The following SPATA32 variants were observed in gnomAD, a reference collection of about 807,000 sequenced individuals.
SPATA32 encodes the protein spermatogenesis-associated protein 32.
SPATA32 carries 28 observed loss-of-function variants against 35.4 expected under a neutral mutation model. The ratio of observed to expected loss-of-function variants is 0.79; its 90% CI spans 0.59 to 1.09. The LOEUF (loss-of-function observed/expected upper bound fraction) is 1.09. Ranked by LOEUF, SPATA32 falls within the 50% of genes least tolerant of loss-of-function variation. SPATA32 has a pLI of 0.00. For synonymous variants in SPATA32, 168 were observed against 196.3 expected, an observed-to-expected ratio of 0.86 and a Z score of 1.20; for missense variants, 409 against 475.9, an observed-to-expected ratio of 0.86 and a Z score of 1.31.
rs1491518933 is a variant in SPATA32, at chr17:45,261,094, G to GTTTTTTTTT, written c.13+909_13+910insAAAAAAAAA. 3 of 62,366 alleles carry GTTTTTTTTT rather than the reference G, an allele frequency of 4.8e-5. 1 individual carries two copies. Among genetic ancestry groups the GTTTTTTTTT allele is most frequent in the African/African-American group, 2.4e-4 (3 of 12,322 alleles). The allele number at this position is 62,366 out of a possible 1,614,324, so 3.9% of individuals were successfully genotyped here. A position where few individuals can be genotyped will look rare whatever the true frequency, so the allele number is the denominator to read the frequency against. ...GCGTGAGCCACTGCACCCGACCTCT[G>GTTTTTTTTT]GTTTTTTTTTTTTTTTTTTTGACAG... On this transcript the variant is annotated intron_variant, in intron 1 of 4. Transcript: ENST00000331780.
In SPATA32 at chr17:45,256,368, A is replaced by G; in HGVS notation, c.108+8T>C. ...CACCTCCCCGTAAGAGGACACTCCC[A>G]TTTTTACCTCCTGTTCCTCTTGTAT... On this transcript the variant is annotated splice_region_variant and intron_variant, in intron 3 of 4. Transcript: ENST00000331780. The surrounding 1 kb of genome is among the most constrained non-coding windows in gnomAD (Gnocchi z 4.7). 6.2e-7 allele frequency: 1 copy of G among 1,612,550 alleles called. No homozygotes were observed. Among genetic ancestry groups the G allele is most frequent in the South Asian group, 1.1e-5 (1 of 91,052 alleles).
rs760335272 is a variant in SPATA32, at chr17:45,255,374, G to C, written c.808C>G (p.Gln270Glu). 31 of 1,614,064 alleles carry C rather than the reference G, an allele frequency of 1.9e-5. No homozygotes were observed. The Admixed American group carries it at 5.2e-4, about 27-fold the overall frequency. Residue 270 changes from glutamine (Q) to glutamate (E), a missense_variant, in exon 4 of 5, where the codon CAG becomes GAG. Coordinates refer to ENST00000331780, the MANE Select transcript of SPATA32 (RefSeq NM_152343.3). The surrounding 1 kb of genome is among the most constrained non-coding windows in gnomAD (Gnocchi z 5.4). ...TCTGTGGAAGGCTCCAGAGCCTCCT[G>C]GGGTGGAGCTTTCATCATGTGTTCC... Reference protein sequence around the residue: ...SLEHMMKAPPQEALEPSTEPL... With the variant: ...SLEHMMKAPPEEALEPSTEPL...
intron 2 of SPATA32, 54 bp downstream of exon 2, chr17:45,257,099 G>A (rs1346094849): frequency 1.1e-5 from 17 of 1,589,166 alleles, no homozygotes; most frequent in South Asian, 7.8e-5. Context: ...GGGTGAGGTC[G>A]GAGGTCCTGG....
chr17:45,256,058 G>C lies in SPATA32; in HGVS notation c.124C>G (p.Leu42Val). ...QEEQELEADMLEQKPQLQVDL... is the reference protein window; with the variant it reads ...QEEQELEADMVEQKPQLQVDL... Reference sequence around the variant, plus strand: ...ACTTGGAGTTGGGGCTTCTGCTCTAGCATGTCTGCCTCCAGCTGAAATGTT... The same window carrying C: ...ACTTGGAGTTGGGGCTTCTGCTCTACCATGTCTGCCTCCAGCTGAAATGTT... The change falls in exon 4 of 5, where the codon CTA (leucine) becomes GTA (valine). Residue 42 changes from leucine to valine, a missense_variant. By Grantham distance (32) the Leu-to-Val change is conservative (BLOSUM62 1). Transcript: ENST00000331780. This position sits in a 1 kb window ranked among gnomAD's most constrained non-coding sequence, Gnocchi z 4.7. 1 of 1,603,438 alleles carries C rather than the reference G, an allele frequency of 6.2e-7. No individual in the cohort carries two copies. The highest frequency in any genetic ancestry group is 8.5e-7 in the Non-Finnish European group (1 of 1,174,526).
Position 45,255,944 on chromosome 17 carries a change from C to G in SPATA32, c.238G>C (p.Ala80Pro), listed in dbSNP as rs753251294. 12 of 1,613,954 alleles carry G rather than the reference C, an allele frequency of 7.4e-6. No individual in the cohort carries two copies. The highest frequency in any genetic ancestry group is 1.0e-5 in the Non-Finnish European group (12 of 1,180,030). Residue 80 changes from alanine to proline, a missense_variant, in exon 4 of 5, where the codon GCC (alanine) becomes CCC (proline). Physicochemically the swap from Ala to Pro is conservative, Grantham distance 27. Coordinates refer to ENST00000331780, the MANE Select transcript of SPATA32 (RefSeq NM_152343.3). This position sits in a 1 kb window ranked among gnomAD's most constrained non-coding sequence, Gnocchi z 5.4. Reference sequence around the variant, plus strand: ...TCCAGCTCAGCTTCAAGCTTGAGGGCTGGGTATAGCTCTGACTCCAGTAAA... The same window carrying G: ...TCCAGCTCAGCTTCAAGCTTGAGGGGTGGGTATAGCTCTGACTCCAGTAAA... ...PALLESELYP[A>P]LKLEAELDTE... is the part of the protein sequence containing the mutation.
Position 45,255,850 on chromosome 17 carries a change from G to A in SPATA32, c.332C>T (p.Ser111Phe), listed in dbSNP as rs368331395. The A allele has an allele frequency of 6.2e-7, 1 of 1,614,060 alleles. No individual in the cohort carries two copies. The highest frequency in any genetic ancestry group is 8.5e-7 in the Non-Finnish European group (1 of 1,180,030). Reference sequence around the variant, plus strand: ...GGGCAGCCCCATGTTGGAGTGGACGGACTCTATCTTGCATACCAGCTGCAT... The same window carrying A: ...GGGCAGCCCCATGTTGGAGTGGACGAACTCTATCTTGCATACCAGCTGCAT... ...EPMQLVCKIE[S>F]VHSNMGLPTP... The change falls in exon 4 of 5, where the codon TCC (serine) becomes TTC (phenylalanine). Residue 111 changes from serine to phenylalanine, a missense_variant. Ser to Phe is a radical substitution (Grantham distance 155, BLOSUM62 -2). Coordinates refer to ENST00000331780, the MANE Select transcript of SPATA32 (RefSeq NM_152343.3). The surrounding 1 kb of genome is among the most constrained non-coding windows in gnomAD (Gnocchi z 5.4).
At position 45,255,392 on chromosome 17, in the gene SPATA32, T is replaced by C; in HGVS notation, c.790A>G (p.Met264Val). 6.2e-7 allele frequency: 1 copy of C among 1,614,164 alleles called. No homozygotes were observed. Among genetic ancestry groups the C allele is most frequent in the African/African-American group, 1.3e-5 (1 of 75,028 alleles). Reference protein sequence around the residue: ...SRMDLPSLEHMMKAPPQEALE... With the variant: ...SRMDLPSLEHVMKAPPQEALE... The stretch of plus-strand genomic sequence containing the variant: ...GCCTCCTGGGGTGGAGCTTTCATCA[T>C]GTGTTCCAAACTGGGCAGGTCCATC... Residue 264 changes from methionine (M) to valine (V), a missense_variant, in exon 4 of 5, where the codon ATG becomes GTG. Met to Val is a conservative substitution (Grantham distance 21, BLOSUM62 1). Coordinates refer to ENST00000331780, the MANE Select transcript of SPATA32 (RefSeq NM_152343.3). The surrounding 1 kb of genome is among the most constrained non-coding windows in gnomAD (Gnocchi z 5.4).
intron 1 of SPATA32, among the ~76,000 whole-genome samples, chr17:45,260,312 CCT>C (rs920689252): frequency 8.5e-5 from 13 of 152,188 alleles, no homozygotes; most frequent in East Asian, 1.9e-4. Context: ...CTGTCTGACC[CCT>C]GTCTCCCTTT....
intron 1 of SPATA32, among the ~76,000 whole-genome samples, chr17:45,259,130 C>T (rs895542467): frequency 6.6e-6 from 1 of 151,984 alleles, no homozygotes; most frequent in Non-Finnish European, 1.5e-5. Context: ...TCTGGTTCCT[C>T]TTATTTTCTT....
chr17:45,256,228 C>T lies in SPATA32; in HGVS notation c.108+148G>A, dbSNP rs2143721846. On this transcript the variant is annotated intron_variant, in intron 3 of 4. Coordinates refer to ENST00000331780, the MANE Select transcript of SPATA32 (RefSeq NM_152343.3). This position sits in a 1 kb window ranked among gnomAD's most constrained non-coding sequence, Gnocchi z 4.7. ...ATGCCTGCCTCCTCTCAGAGACCTG[C>T]CCGGTGAGGGGGTGTGTGTGTGGGT... 3.3e-6 allele frequency: 4 copies of T among 1,208,656 alleles called. No homozygotes were observed. Among genetic ancestry groups the T allele is most frequent in the Non-Finnish European group, 4.8e-6 (4 of 826,488 alleles). 74.9% of individuals were successfully genotyped at this position (1,208,656 alleles called of 1,614,324 possible).
Position 45,255,926 on chromosome 17 carries a change from C to G in SPATA32, c.256G>C (p.Glu86Gln), listed in dbSNP as rs757894138. Residue 86 changes from glutamate (E) to glutamine (Q), a missense_variant, in exon 4 of 5, where the codon GAG (glutamate) becomes CAG (glutamine). Glu to Gln is a conservative substitution (Grantham distance 29, BLOSUM62 2). Coordinates refer to ENST00000331780, the MANE Select transcript of SPATA32 (RefSeq NM_152343.3). This position sits in a 1 kb window ranked among gnomAD's most constrained non-coding sequence, Gnocchi z 5.4. ...TTCGAGTTGGCTTCCGTGTCCAGCT[C>G]AGCTTCAAGCTTGAGGGCTGGGTAT... ...ELYPALKLEAELDTEANSNEE... is the reference protein window; with the variant it reads ...ELYPALKLEAQLDTEANSNEE... The G allele has an allele frequency of 1.2e-6, 2 of 1,614,122 alleles. No individual in the cohort carries two copies. Among genetic ancestry groups the G allele is most frequent in the South Asian group, 1.1e-5 (1 of 91,082 alleles).
At chr17:45,261,764 T>G in intron 1 of SPATA32, 1 of 404,418 alleles carries the variant, frequency 2.5e-6, no homozygotes, top group Non-Finnish European at 4.3e-6. Context: ...AAGGCGCGCA[T>G]GCGTGTCCGT....
chr17:45,258,155 GTC>G (rs2043974802), intron 1 of SPATA32, among the ~76,000 whole-genome samples: 2 of 152,306 alleles, frequency 1.3e-5, no homozygotes, highest in South Asian at 2.1e-4. Flanking sequence ...ATGTACTGCG[GTC>G]TCTTCCTAGA....
chr17:45,258,042 A>G (rs1331389282), intron 1 of SPATA32, among the ~76,000 whole-genome samples: 1 of 152,174 alleles, frequency 6.6e-6, no homozygotes, highest in African/African-American at 2.4e-5. Flanking sequence ...CAACCCTGCC[A>G]TCATGCAAGG....
At chr17:45,261,900 G>T in intron 1 of SPATA32, 104 bp downstream of exon 1, 1 of 1,202,486 alleles carries the variant, frequency 8.3e-7, no homozygotes. Flanking sequence ...AGGGGAACGG[G>T]CCCTGGGCGG....
rs143159604 is a variant in SPATA32 at position 45,255,848 on chromosome 17, C to T, written c.334G>A (p.Val112Ile). The T allele has an allele frequency of 1.9e-4, 314 of 1,614,010 alleles. No individual in the cohort carries two copies. Among genetic ancestry groups the T allele is most frequent in the South Asian group, 8.0e-4 (73 of 91,088 alleles). Residue 112 changes from valine (V) to isoleucine (I), a missense_variant, in exon 4 of 5, where the codon GTC (valine) becomes ATC (isoleucine). Physicochemically the swap from Val to Ile is conservative, Grantham distance 29. Coordinates refer to ENST00000331780, the MANE Select transcript of SPATA32 (RefSeq NM_152343.3). The surrounding 1 kb of genome is among the most constrained non-coding windows in gnomAD (Gnocchi z 5.4). The part of the protein sequence containing the change: ...PMQLVCKIES[V>I]HSNMGLPTPQ... The stretch of plus-strand genomic sequence containing the variant: ...GTGGGCAGCCCCATGTTGGAGTGGA[C>T]GGACTCTATCTTGCATACCAGCTGC...
intron 4 of SPATA32, 87 bp from the exon 5 acceptor site, chr17:45,254,600 G>T (rs553968663): frequency 8.2e-7 from 1 of 1,219,722 alleles, no homozygotes; most frequent in Non-Finnish European, 1.2e-6. Flanking sequence ...TGAAGAGGTC[G>T]CTGGGGGTAA....
chr17:45,256,219 A>G lies in SPATA32; in HGVS notation c.109-146T>C. ...CCTAACCCCATGCCTGCCTCCTCTC[A>G]GAGACCTGCCCGGTGAGGGGGTGTG... On this transcript the variant is annotated intron_variant, in intron 3 of 4. Coordinates refer to ENST00000331780, the MANE Select transcript of SPATA32 (RefSeq NM_152343.3). The surrounding 1 kb of genome is among the most constrained non-coding windows in gnomAD (Gnocchi z 4.7). 14 of 1,221,906 alleles carry G rather than the reference A, an allele frequency of 1.1e-5. No individual in the cohort carries two copies. The highest frequency in any genetic ancestry group is 1.7e-5 in the Non-Finnish European group (14 of 841,670). The allele number at this position is 1,221,906 out of a possible 1,614,324, so 75.7% of individuals were successfully genotyped here.
rs1464948068 is a variant in SPATA32, at chr17:45,255,580, AGGGCGTTGGTGGGGAT to A, written c.586_601del (p.Ile196CysfsTer38). The stretch of plus-strand genomic sequence containing the variant: ...GATCTGGAGCTGCTCCTCGGAGCAC[AGGGCGTTGGTGGGGAT>A]GGCCTCCCGGAGCGGGGATCTGATG... On this transcript the variant is annotated frameshift_variant, in exon 4 of 5. Transcript: ENST00000331780. LOFTEE classifies it high-confidence loss of function. The surrounding 1 kb of genome is among the most constrained non-coding windows in gnomAD (Gnocchi z 5.4). The A allele has an allele frequency of 6.2e-7, 1 of 1,614,040 alleles. No individual in the cohort carries two copies. The highest frequency in any genetic ancestry group is 8.5e-7 in the Non-Finnish European group (1 of 1,180,006).
Sources: gnomAD v4.1 joint callset for allele counts (sites outside exome capture counted in the v4.1 genomes callset) on GRCh38, gnomAD v4.1.1 for gene constraint, Gnocchi (gnomAD v3.1) non-coding constraint, MANE v1.5 for transcripts, NCBI Gene and HGNC (gene_info 2026-07-23, HGNC 2026-07-21) for gene names.